Variants in RBPJ observed in about 807,000 individuals in gnomAD.
RBPJ encodes recombination signal binding protein for immunoglobulin kappa J region.
In RBPJ, 9 loss-of-function variants were observed where a neutral mutation model predicts 67.8. That is an observed-to-expected ratio of 0.13 (90% CI 0.08 to 0.23). The LOEUF is 0.23. Ranked by LOEUF, RBPJ falls within the 10% of genes least tolerant of loss-of-function variation. The pLI, the probability that RBPJ is intolerant of heterozygous loss-of-function variation, is 1.00. For missense variants in RBPJ, 305 were observed against 595.6 expected (o/e 0.51, Z 5.08); for synonymous variants, 198 against 203.3 (o/e 0.97, Z 0.22).
At chr4:26,404,516 G>A (rs879773832) in intron 2 of RBPJ, among the ~76,000 whole-genome samples, 2 of 152,062 alleles carry the variant, frequency 1.3e-5, no homozygotes, top group Non-Finnish European at 2.9e-5. Context: ...ATTCACTGCC[G>A]TGGCTCACCT....
chr4:26,216,035 C>T (rs370745947), intron 1 of RBPJ, among the ~76,000 whole-genome samples: 3 of 152,094 alleles, frequency 2.0e-5, no homozygotes, highest in Non-Finnish European at 4.4e-5. Context: ...CGCCAAAGAC[C>T]CCGGGGGAAA....
intron 1 of RBPJ, among the ~76,000 whole-genome samples, chr4:26,382,510 G>A (rs1309594408): frequency 6.6e-6 from 1 of 152,104 alleles, no homozygotes; most frequent in African/African-American, 2.4e-5. Context: ...TAGTTTGATT[G>A]TGACCTCGGA....
chr4:26,199,568 C>G (rs916002256), intron 1 of RBPJ, among the ~76,000 whole-genome samples: 4 of 152,108 alleles, frequency 2.6e-5, no homozygotes, highest in Non-Finnish European at 4.4e-5. Flanking sequence ...CTAGATTGAG[C>G]CTGGAGTGGC....
At chr4:26,398,209 G>T (rs902504867) in intron 2 of RBPJ, among the ~76,000 whole-genome samples, 2 of 152,138 alleles carry the variant, frequency 1.3e-5, no homozygotes, top group East Asian at 1.9e-4. Context: ...TTTGAGAAGC[G>T]CAGAGAGTGA....
At chr4:26,144,884 T>A in the RBPJ span, among the ~76,000 whole-genome samples, 1 of 152,312 alleles carries the variant, frequency 6.6e-6, no homozygotes, top group East Asian at 1.9e-4. Context: ...CTTCACTCTT[T>A]TATATGTGTC....
chr4:26,151,676 C>A, the RBPJ span, among the ~76,000 whole-genome samples: 1 of 152,236 alleles, frequency 6.6e-6, no homozygotes, highest in African/African-American at 2.4e-5. Flanking sequence ...CCGATGACAG[C>A]CTTCCGACTA....
At chr4:26,108,488 T>A in the RBPJ span, among the ~76,000 whole-genome samples, 1 of 152,182 alleles carries the variant, frequency 6.6e-6, no homozygotes, top group Non-Finnish European at 1.5e-5. Flanking sequence ...AAACAAAGTC[T>A]GCGCTAGAGC....
At chr4:26,341,041 C>T (rs539191321) in intron 1 of RBPJ, among the ~76,000 whole-genome samples, 6 of 152,134 alleles carry the variant, frequency 3.9e-5, no homozygotes, top group Non-Finnish European at 5.9e-5. Context: ...GAGGTCAAGG[C>T]TGGGAATAAA....
At chr4:26,149,968 A>C in the RBPJ span, among the ~76,000 whole-genome samples, 3 of 152,194 alleles carry the variant, frequency 2.0e-5, no homozygotes, top group Non-Finnish European at 4.4e-5. Flanking sequence ...CTCCAGTGAG[A>C]TTGCAGTTAG....
the RBPJ span, among the ~76,000 whole-genome samples, chr4:26,135,822 T>A: frequency 3.3e-5 from 5 of 152,084 alleles, no homozygotes; most frequent in Admixed American, 2.6e-4. Flanking sequence ...GCTGAAGAGG[T>A]CAACCCCACA....
upstream of RBPJ, among the ~76,000 whole-genome samples, chr4:26,158,941 C>CTCTT (rs1272480404): frequency 1.6e-5 from 2 of 123,734 alleles, no homozygotes; most frequent in Non-Finnish European, 3.3e-5. Flanking sequence ...CTCCCTCTCT[C>CTCTT]TCTTTCTCTC....
intron 1 of RBPJ, among the ~76,000 whole-genome samples, chr4:26,206,998 C>T (rs1417731073): frequency 6.6e-6 from 1 of 152,108 alleles, no homozygotes; most frequent in Admixed American, 6.5e-5. Context: ...GGGCTGCCCA[C>T]CTGCAGAATT....
chr4:26,132,781 C>T, the RBPJ span, among the ~76,000 whole-genome samples: 18 of 152,170 alleles, frequency 1.2e-4, no homozygotes, highest in South Asian at 2.1e-4. Flanking sequence ...TCTCTGGGGC[C>T]TCTTTTCTGT....
chr4:26,216,326 C>T (rs1395956696), intron 1 of RBPJ, among the ~76,000 whole-genome samples: 1 of 152,110 alleles, frequency 6.6e-6, no homozygotes, highest in Non-Finnish European at 1.5e-5. Flanking sequence ...CCATTCCACC[C>T]ACTACAAGTA....
chr4:26,282,924 CTTTTTTTTTTTTT>C lies in RBPJ; in HGVS notation c.-166-79510_-166-79498del, dbSNP rs67501530. On this transcript the variant is annotated intron_variant, in intron 1 of 4. Coordinates refer to the RBPJ transcript ENST00000512351. ...TCCCTTTGTGTTTTAAGTGTAGATT[CTTTTTTTTTTTTT>C]TTTTTTTTTTTGGGATGGAGTCTCG... Among the ~76,000 whole-genome samples the C allele has an allele frequency of 6.5e-5, 4 of 61,658 alleles. No individual in the cohort carries two copies. In the Admixed American group the frequency reaches 7.7e-4, roughly 12 times the overall value. The allele number at this position is 61,658 out of a possible 152,430, so 40.5% of individuals were successfully genotyped here.
At chr4:26,252,109 G>A (rs1720135668) in intron 1 of RBPJ, among the ~76,000 whole-genome samples, 1 of 149,564 alleles carries the variant, frequency 6.7e-6, no homozygotes. Flanking sequence ...AGGGTACAAG[G>A]GCAATTTTAT....
At chr4:26,147,316 G>C in the RBPJ span, among the ~76,000 whole-genome samples, 1 of 152,210 alleles carries the variant, frequency 6.6e-6, no homozygotes. Context: ...AAACCACAAG[G>C]AGGATACCCC....
chr4:26,187,751 G>A (rs1717324690), intron 1 of RBPJ, among the ~76,000 whole-genome samples: 3 of 152,124 alleles, frequency 2.0e-5, no homozygotes, highest in Admixed American at 6.5e-5. Flanking sequence ...GCTGGGCACT[G>A]TGGCTCACAC....
rs60159669 is a variant in RBPJ at position 26,289,384 on chromosome 4, C to CA, written c.-166-73039dup. On this transcript the variant is annotated intron_variant, in intron 1 of 4. Transcript: ENST00000512351. ...TCAGCGACAGAGTGAGACTTGGTCT[C>CA]AAAAAAAAAAAAAAAAAAAAAAAGA... 4.8e-3 allele frequency among the ~76,000 whole-genome samples: 377 copies of CA among 78,106 alleles called. 5 individuals are homozygous for CA. Among genetic ancestry groups the CA allele is most frequent in the East Asian group, 8.8e-3 (21 of 2,388 alleles). The allele number at this position is 78,106 out of a possible 152,430, so 51.2% of individuals were successfully genotyped here.
Sources: gnomAD v4.1 joint callset for allele counts (sites outside exome capture counted in the v4.1 genomes callset) on GRCh38, gnomAD v4.1.1 for gene constraint, MANE v1.5 for transcripts, NCBI Gene and HGNC (gene_info 2026-07-23, HGNC 2026-07-21) for gene names.